LRRC7: variants seen among roughly 807,000 people sequenced by gnomAD.
The protein encoded by LRRC7 is leucine-rich repeat-containing protein 7.
Under a neutral mutation model 175.7 loss-of-function variants are expected in LRRC7, and 23 were observed. The observed-to-expected ratio is 0.13, with a 90% confidence interval of 0.09 to 0.19. The LOEUF is 0.19. Ranked by LOEUF, LRRC7 falls within the 10% of genes least tolerant of loss-of-function variation. LRRC7 has a pLI of 1.00. For synonymous variants in LRRC7, 685 were observed against 680.9 expected (o/e 1.01, Z -0.09); for missense variants, 1,354 against 1,904.7 (o/e 0.71, Z 5.38).
intron 2 of LRRC7, among the ~76,000 whole-genome samples, chr1:69,728,067 G>A (rs1055561250): frequency 2.0e-5 from 3 of 151,958 alleles, no homozygotes; most frequent in African/African-American, 7.3e-5. Flanking sequence ...TGTATTTACT[G>A]GCAGTTTTAT....
At chr1:69,767,495 C>T (rs925447821) in intron 3 of LRRC7, among the ~76,000 whole-genome samples, 3 of 151,992 alleles carry the variant, frequency 2.0e-5, no homozygotes, top group Non-Finnish European at 4.4e-5. Flanking sequence ...CTCACTCTGT[C>T]GCACAGTCTG....
intron 9 of LRRC7, among the ~76,000 whole-genome samples, chr1:69,985,401 A>G (rs1047477825): frequency 1.3e-5 from 2 of 152,216 alleles, no homozygotes; most frequent in South Asian, 4.1e-4. Context: ...CTACATGTCA[A>G]TGTCATTGTT....
At chr1:69,939,725 C>A (rs1648510006) in intron 8 of LRRC7, among the ~76,000 whole-genome samples, 1 of 152,142 alleles carries the variant, frequency 6.6e-6, no homozygotes, top group Admixed American at 6.6e-5. Context: ...GTTTTCCTTG[C>A]ACCTAGCAGA....
intron 9 of LRRC7, among the ~76,000 whole-genome samples, chr1:69,984,871 C>T (rs1478829633): frequency 6.6e-6 from 1 of 152,204 alleles, no homozygotes; most frequent in Non-Finnish European, 1.5e-5. Context: ...GTTTGCATTT[C>T]TTCACGTGAC....
chr1:70,035,625 CAAAAAAAAAAA>C (rs765207825), intron 18 of LRRC7, among the ~76,000 whole-genome samples: 1 of 71,844 alleles, frequency 1.4e-5, no homozygotes, highest in Non-Finnish European at 2.9e-5. Flanking sequence ...TAGGGATGCA[CAAAAAAAAAAA>C]AAAAAAAAAA....
rs550854850 is a variant in LRRC7, at chr1:70,018,632, A to G, written c.1321-87A>G. ...TTTCTTTTTTCACTTTTTCCCCCCA[A>G]TGTTTATTTATCTGAGTGAGACCAG... On this transcript the variant is annotated intron_variant, in intron 14 of 26. Transcript: ENST00000651989. 19 of 729,324 alleles carry G rather than the reference A, an allele frequency of 2.6e-5. No homozygotes were observed. The Middle Eastern group carries it at 1.0e-3, about 38-fold the overall frequency. The allele number at this position is 729,324 out of a possible 1,614,324, so 45.2% of individuals were successfully genotyped here. A position where few individuals can be genotyped will look rare whatever the true frequency, so the allele number is the denominator to read the frequency against.
chr1:69,900,563 G>A (rs549347355), intron 7 of LRRC7, among the ~76,000 whole-genome samples: 4 of 152,078 alleles, frequency 2.6e-5, no homozygotes, highest in African/African-American at 9.6e-5. Context: ...TTTTATTGTA[G>A]CATACAATAT....
In LRRC7 at chr1:70,136,403, A is replaced by G. The variant is rs1666873921; in HGVS notation, c.*14516A>G. ...CTAAGGTTTGTCCTCTAGCCAATCT[A>G]TATGTTTATCCTTTTTTAAAAAATT... On this transcript the variant is annotated 3_prime_UTR_variant, in exon 27 of 27. Transcript: ENST00000651989. Among the ~76,000 whole-genome samples the G allele has an allele frequency of 1.3e-5, 2 of 152,118 alleles. No homozygotes were observed. The highest frequency in any genetic ancestry group is 4.1e-4 in the South Asian group (2 of 4,828).
At chr1:69,850,329 T>C (rs764444187) in intron 7 of LRRC7, among the ~76,000 whole-genome samples, 54 of 152,042 alleles carry the variant, frequency 3.6e-4, no homozygotes, top group Middle Eastern at 6.8e-3. Context: ...GAAAGGACAG[T>C]GGGGTAAATT....
chr1:69,641,151 GGAATAAA>G (rs1268950585), intron 1 of LRRC7, among the ~76,000 whole-genome samples: 4 of 151,284 alleles, frequency 2.6e-5, no homozygotes, highest in Non-Finnish European at 5.9e-5. Flanking sequence ...TTTTACATTA[GGAATAAA>G]TTCACTCACT....
Position 70,143,930 on chromosome 1 carries a change from G to T in LRRC7, c.*22043G>T, listed in dbSNP as rs1003185626. The T allele has an allele frequency of 6.6e-6, 1 of 152,100 alleles. No homozygotes were observed. Among genetic ancestry groups the T allele is most frequent in the Non-Finnish European group, 1.5e-5 (1 of 68,004 alleles). 9.4% of individuals were successfully genotyped at this position (152,100 alleles called of 1,614,324 possible). On this transcript the variant is annotated 3_prime_UTR_variant, in exon 27 of 27. Coordinates refer to ENST00000651989, the MANE Select transcript of LRRC7 (RefSeq NM_001370785.2). ...ACTACATATTGATGTAAATAAAACT[G>T]AATGAAGACATATTTACTACTTTAT...
intron 2 of LRRC7, among the ~76,000 whole-genome samples, chr1:69,726,271 C>T (rs1315522970): frequency 1.3e-5 from 2 of 152,258 alleles, no homozygotes; most frequent in South Asian, 4.1e-4. Context: ...TCTATTTCTA[C>T]TGTATTGCCA....
At chr1:69,806,955 G>A (rs1677188218) in intron 4 of LRRC7, among the ~76,000 whole-genome samples, 1 of 151,904 alleles carries the variant, frequency 6.6e-6, no homozygotes, top group African/African-American at 2.4e-5. Flanking sequence ...ATAGCTATTG[G>A]TCAAATTGCA....
At chr1:69,793,050 C>T (rs1367375040) in intron 4 of LRRC7, among the ~76,000 whole-genome samples, 1 of 151,950 alleles carries the variant, frequency 6.6e-6, no homozygotes, top group Admixed American at 6.6e-5. Flanking sequence ...GTGTGTGCAC[C>T]GTATCTGCAC....
At chr1:69,593,314 G>A (rs532437326) in intron 1 of LRRC7, among the ~76,000 whole-genome samples, 2 of 152,154 alleles carry the variant, frequency 1.3e-5, no homozygotes, top group Non-Finnish European at 2.9e-5. Flanking sequence ...GAATCCAAAC[G>A]TATTTAGTAA....
Position 70,123,710 on chromosome 1 carries a change from G to A in LRRC7, c.*1823G>A, listed in dbSNP as rs1210098059. 6.6e-6 allele frequency among the ~76,000 whole-genome samples: 1 copy of A among 152,156 alleles called. No homozygotes were observed. The highest frequency in any genetic ancestry group is 1.5e-5 in the Non-Finnish European group (1 of 68,036). On this transcript the variant is annotated 3_prime_UTR_variant, in exon 27 of 27. Transcript: ENST00000651989. ...TTTTAATATATTGAGAGTTTCAGAT[G>A]AGAAATGTCTTTCAGAGACTAATTT...
At chr1:69,599,050 A>T (rs1338575877) in intron 1 of LRRC7, among the ~76,000 whole-genome samples, 1 of 152,142 alleles carries the variant, frequency 6.6e-6, no homozygotes, top group East Asian at 1.9e-4. Context: ...GAATCCCTAT[A>T]AAGTAGAAAA....
At chr1:70,045,498 C>G (rs759271895) in intron 22 of LRRC7, among the ~76,000 whole-genome samples, 4 of 152,132 alleles carry the variant, frequency 2.6e-5, no homozygotes, top group Non-Finnish European at 2.9e-5. Flanking sequence ...TTCATGTCCT[C>G]TCGGATGCCC....
intron 23 of LRRC7, among the ~76,000 whole-genome samples, chr1:70,069,365 A>G (rs907267924): frequency 1.3e-5 from 2 of 152,176 alleles, no homozygotes; most frequent in Non-Finnish European, 2.9e-5. Context: ...TCCACTCACT[A>G]TCATGAGAAC....
Sources: allele counts gnomAD v4.1 joint callset (sites outside exome capture counted in the v4.1 genomes callset), GRCh38; gene constraint gnomAD v4.1.1; transcripts MANE v1.5; gene names NCBI Gene and HGNC (gene_info 2026-07-23, HGNC 2026-07-21).